The following LRRN3 variants were observed in gnomAD, a reference collection of about 807,000 sequenced individuals.
The protein encoded by LRRN3 is leucine rich repeat neuronal 3, also known as leucine-rich repeat neuronal protein 3.
In LRRN3, 15 loss-of-function variants were observed where a neutral mutation model predicts 40.1. The ratio of observed to expected loss-of-function variants is 0.37; its 90% CI spans 0.25 to 0.58. The LOEUF is 0.58. Among genes scored for constraint, LRRN3 ranks in the 20% least tolerant of loss-of-function variants. LRRN3 has a pLI of 0.72. For missense variants in LRRN3, 746 were observed against 837.7 expected, an observed-to-expected ratio of 0.89 and a Z score of 1.35; for synonymous variants, 308 against 297.2, an observed-to-expected ratio of 1.04 and a Z score of -0.37.
chr7:111,097,883 A>G lies in LRRN3; in HGVS notation c.-440-1998A>G, dbSNP rs191702504. Among the ~76,000 whole-genome samples the G allele has an allele frequency of 3.5e-3, 537 of 151,970 alleles. 3 individuals carry two copies. The highest frequency in any genetic ancestry group is 0.013 in the African/African-American group (520 of 41,510). On this transcript the variant is annotated intron_variant, in intron 1 of 2. Transcript: ENST00000308478. ...TTCAATATATATCTACACAGATTAT[A>G]TTTTGATTTCTACAAAGGCCAAGGG...
Position 111,125,049 on chromosome 7 carries a change from G to T in LRRN3, c.*150G>T. On this transcript the variant is annotated 3_prime_UTR_variant, in exon 3 of 3. Transcript: ENST00000308478. ...GAGAAGTTTAAGCTTCACCAATGCT[G>T]CTCCTGACCAATGGAAATATGTACA... The T allele has an allele frequency of 1.7e-6, 1 of 590,738 alleles. No homozygotes were observed. Among genetic ancestry groups the T allele is most frequent in the Non-Finnish European group, 2.9e-6 (1 of 341,882 alleles). The allele number at this position is 590,738 out of a possible 1,614,324, so 36.6% of individuals were successfully genotyped here.
chr7:111,123,444 C>G lies in LRRN3; in HGVS notation c.672C>G (p.Leu224=), dbSNP rs1800896467. 6.2e-7 allele frequency: 1 copy of G among 1,613,294 alleles called. No homozygotes were observed. Among genetic ancestry groups the G allele is most frequent in the South Asian group, 1.1e-5 (1 of 90,948 alleles). ...LRSLVIAGIN[L]TEIPDNALVG... ...GCCTGGTTATAGCTGGTATAAACCT[C>G]ACAGAAATACCAGATAACGCCTTGG... is the stretch of plus-strand genomic sequence containing the variant. Residue 224 remains leucine (L), a synonymous_variant, in exon 3 of 3, where the codon CTC becomes CTG. Coordinates refer to ENST00000308478, the MANE Select transcript of LRRN3 (RefSeq NM_001099658.2). This position sits in a 1 kb window ranked among gnomAD's most constrained non-coding sequence, Gnocchi z 6.4.
rs201893306 is a variant in LRRN3 at position 111,124,874 on chromosome 7, T to C, written c.2102T>C (p.Ile701Thr). The C allele has an allele frequency of 8.3e-5, 133 of 1,596,990 alleles. No individual in the cohort carries two copies. The highest frequency in any genetic ancestry group is 7.6e-4 in the East Asian group (34 of 44,626). ...TCACTGAAAGTAAAAGCAACTGTTATAGGTTTACCAACAAATATGTCCTAA... is the reference window on the plus strand; with the variant it reads ...TCACTGAAAGTAAAAGCAACTGTTACAGGTTTACCAACAAATATGTCCTAA... ...STSLKVKATV[I>T]GLPTNMS is the part of the protein sequence containing the mutation. Residue 701 changes from isoleucine to threonine, a missense_variant, in exon 3 of 3, where the codon ATA becomes ACA. Transcript: ENST00000308478.
chr7:111,118,310 A>C (rs2129586559), intron 2 of LRRN3, among the ~76,000 whole-genome samples: 1 of 152,282 alleles, frequency 6.6e-6, no homozygotes, highest in South Asian at 2.1e-4. Flanking sequence ...AAAGAAGCTA[A>C]AGAATAAAGA....
intron 2 of LRRN3, among the ~76,000 whole-genome samples, chr7:111,118,650 T>C (rs1285057810): frequency 2.0e-5 from 3 of 152,090 alleles, no homozygotes; most frequent in African/African-American, 4.8e-5. Flanking sequence ...CTTTGAAAAC[T>C]ATAAAGCACT....
intron 1 of LRRN3, among the ~76,000 whole-genome samples, chr7:111,094,940 G>T (rs1400782688): frequency 3.9e-5 from 6 of 152,024 alleles, no homozygotes; most frequent in Non-Finnish European, 5.9e-5. Flanking sequence ...TTAAATACAG[G>T]ATTAACAAGG....
chr7:111,118,948 T>C (rs953969499), intron 2 of LRRN3, among the ~76,000 whole-genome samples: 5 of 152,252 alleles, frequency 3.3e-5, no homozygotes, highest in Admixed American at 2.0e-4. Flanking sequence ...GCTATGTAAA[T>C]GATGAAATAA....
rs1801181848 is a variant in LRRN3, at chr7:111,125,334, A to C, written c.*435A>C. The C allele has an allele frequency of 5.9e-6, 1 of 169,866 alleles. No homozygotes were observed. The highest frequency in any genetic ancestry group is 2.4e-5 in the African/African-American group (1 of 41,484). The allele number at this position is 169,866 out of a possible 1,614,324, so 10.5% of individuals were successfully genotyped here. A position where few individuals can be genotyped will look rare whatever the true frequency, so the allele number is the denominator to read the frequency against. On this transcript the variant is annotated 3_prime_UTR_variant, in exon 3 of 3. Transcript: ENST00000308478. ...GACACGTGGTGTAATAAAATGGACA[A>C]ATTCTGTAGAGTAGACACAGTGAGT... is the stretch of plus-strand genomic sequence containing the variant.
At chr7:111,121,788 T>C (rs1005361867) in intron 2 of LRRN3, among the ~76,000 whole-genome samples, 45 of 152,180 alleles carry the variant, frequency 3.0e-4, no homozygotes, top group Admixed American at 2.6e-3. Flanking sequence ...CGTATGTTTA[T>C]TGCAGCAGTA....
At chr7:111,113,981 C>A (rs1261624519) in intron 2 of LRRN3, among the ~76,000 whole-genome samples, 1 of 152,080 alleles carries the variant, frequency 6.6e-6, no homozygotes, top group African/African-American at 2.4e-5. Context: ...GTGTAAAATA[C>A]AAATTAAGGC....
intron 2 of LRRN3, among the ~76,000 whole-genome samples, chr7:111,120,852 C>A (rs1204998005): frequency 3.3e-5 from 5 of 151,968 alleles, no homozygotes; most frequent in Non-Finnish European, 7.4e-5. Context: ...CTCCTGGGAA[C>A]CTGTTGAATC....
chr7:111,121,160 G>A (rs1039734880), intron 2 of LRRN3, among the ~76,000 whole-genome samples: 3 of 152,154 alleles, frequency 2.0e-5, no homozygotes, highest in Admixed American at 6.6e-5. Flanking sequence ...CCTAGGCCAA[G>A]AATTATCAAG....
At chr7:111,120,844 C>T (rs1041577303) in intron 2 of LRRN3, among the ~76,000 whole-genome samples, 1 of 152,008 alleles carries the variant, frequency 6.6e-6, no homozygotes, top group Non-Finnish European at 1.5e-5. Context: ...AATCCTGTCT[C>T]CTGGGAACCT....
chr7:111,117,665 C>T (rs568609207), intron 2 of LRRN3, among the ~76,000 whole-genome samples: 2 of 151,936 alleles, frequency 1.3e-5, no homozygotes, highest in Non-Finnish European at 2.9e-5. Flanking sequence ...ATGGAACCTT[C>T]AATTAGAACT....
At chr7:111,092,848 T>C (rs1797007581) in intron 1 of LRRN3, among the ~76,000 whole-genome samples, 2 of 152,212 alleles carry the variant, frequency 1.3e-5, no homozygotes, top group South Asian at 4.1e-4. Flanking sequence ...TTGTATTTCA[T>C]CTTCTGGAGC....
At chr7:111,111,172 C>A (rs542184796) in intron 2 of LRRN3, among the ~76,000 whole-genome samples, 12 of 151,818 alleles carry the variant, frequency 7.9e-5, no homozygotes, top group Non-Finnish European at 1.5e-4. Context: ...AATTTATAAC[C>A]CTGTTTTGAA....
intron 2 of LRRN3, among the ~76,000 whole-genome samples, chr7:111,103,842 A>T (rs899358328): frequency 3.3e-5 from 5 of 151,662 alleles, no homozygotes; most frequent in African/African-American, 1.2e-4. Flanking sequence ...ATGAGGAAAC[A>T]ATGACATGGC....
At chr7:111,121,437 C>A (rs910372291) in intron 2 of LRRN3, among the ~76,000 whole-genome samples, 7 of 152,080 alleles carry the variant, frequency 4.6e-5, no homozygotes, top group African/African-American at 1.7e-4. Context: ...ACAGACAATT[C>A]TCAAAAGAAG....
chr7:111,104,097 G>A (rs997514545), intron 2 of LRRN3, among the ~76,000 whole-genome samples: 1 of 151,602 alleles, frequency 6.6e-6, no homozygotes, highest in African/African-American at 2.4e-5. Flanking sequence ...TCATATCTCT[G>A]AGTTTGGGCC....
Sources: allele counts gnomAD v4.1 joint callset (sites outside exome capture counted in the v4.1 genomes callset), GRCh38; gene constraint gnomAD v4.1.1; non-coding constraint Gnocchi (gnomAD v3.1); transcripts MANE v1.5; gene names NCBI Gene and HGNC (gene_info 2026-07-23, HGNC 2026-07-21).